Variants in TCOF1 observed in about 807,000 individuals in gnomAD.
TCOF1 encodes the protein treacle ribosome biogenesis factor 1.
Under a neutral mutation model 149.0 loss-of-function variants are expected in TCOF1, and 33 were observed. The observed-to-expected ratio is 0.22, with a 90% CI of 0.17 to 0.30. The LOEUF is 0.30. Among genes scored for constraint, TCOF1 ranks in the 10% least tolerant of loss-of-function variants. The pLI is 1.00. For missense variants in TCOF1, 1,728 were observed against 1,840.7 expected, an observed-to-expected ratio of 0.94 and a Z score of 1.12; for synonymous variants, 789 against 738.8, an observed-to-expected ratio of 1.07 and a Z score of -1.10.
Position 150,396,302 on chromosome 5 carries a change from G to A in TCOF1, c.3805G>A (p.Gly1269Ser), listed in dbSNP as rs572357959. The change falls in exon 24 of 27, where the codon GGC (glycine) becomes AGC (serine). Residue 1269 changes from glycine (G) to serine (S), a missense_variant. Transcript: ENST00000643257. ...PKTGGKEAAS[G>S]TTPQKSRKPK... ...CATAGGTGGAAAAGAGGCTGCTTCA[G>A]GCACCACACCTCAGAAGTCCCGGAA... 1 of 1,614,010 alleles carries A rather than the reference G, an allele frequency of 6.2e-7. No homozygotes were observed. The highest frequency in any genetic ancestry group is 1.3e-5 in the African/African-American group (1 of 75,038).
At chr5:150,382,932 T>C (rs1765523249) in intron 17 of TCOF1, 1 of 669,428 alleles carries the variant, frequency 1.5e-6, no homozygotes, top group Non-Finnish European at 2.5e-6. Flanking sequence ...TCCCTGTGCA[T>C]GTGCAGGAAG....
At chr5:150,370,051 A>C (rs752790464) in intron 6 of TCOF1, among the ~76,000 whole-genome samples, 1 of 152,198 alleles carries the variant, frequency 6.6e-6, no homozygotes, top group Non-Finnish European at 1.5e-5. Context: ...AGGCCTAGAC[A>C]CTTGGCTAGA....
chr5:150,396,333 A>G lies in TCOF1; in HGVS notation c.3836A>G (p.Lys1279Arg). 6.2e-7 allele frequency: 1 copy of G among 1,613,980 alleles called. No individual in the cohort carries two copies. Among genetic ancestry groups the G allele is most frequent in the South Asian group, 1.1e-5 (1 of 91,090 alleles). ...ACACCTCAGAAGTCCCGGAAGCCCA[A>G]GAAAGGGGCTGGGAACCCCCAAGCC... Reference protein sequence around the residue: ...GTTPQKSRKPKKGAGNPQAST... With the variant: ...GTTPQKSRKPRKGAGNPQAST... Residue 1279 changes from lysine (K) to arginine (R), a missense_variant, in exon 24 of 27, where the codon AAG (lysine) becomes AGG (arginine). Lys to Arg is a conservative substitution (Grantham distance 26). Around this residue, in one of 2 missense-constraint regions of TCOF1, gnomAD observed 1,696 missense variants for 1,765.4 expected, o/e 0.96. Transcript: ENST00000643257.
chr5:150,390,538 G>T (rs1446124171), intron 19 of TCOF1, among the ~76,000 whole-genome samples: 1 of 152,148 alleles, frequency 6.6e-6, no homozygotes, highest in Non-Finnish European at 1.5e-5. Context: ...ATTCAGCAAG[G>T]CCGGAACCCG....
chr5:150,381,626 A>G (rs1272006256), intron 17 of TCOF1, among the ~76,000 whole-genome samples: 1 of 152,264 alleles, frequency 6.6e-6, no homozygotes, highest in Admixed American at 6.5e-5. Flanking sequence ...CCTAAATGCC[A>G]GACTAAGACA....
At chr5:150,370,818 TA>T (rs1265051491) in intron 6 of TCOF1, among the ~76,000 whole-genome samples, 1 of 152,074 alleles carries the variant, frequency 6.6e-6, no homozygotes, top group Non-Finnish European at 1.5e-5. Context: ...TGTTATTTTT[TA>T]AAAAAACAAA....
rs554646790 is a variant in TCOF1, at chr5:150,374,552, G to A, written c.1084-65G>A. ...ATTTGCCCTATCTGGTCTTCTGTAC[G>A]TGGTGTCCTGTGTCTCCTCACACGT... On this transcript the variant is annotated intron_variant, in intron 8 of 26. Transcript: ENST00000643257. 1.1e-5 allele frequency: 17 copies of A among 1,607,252 alleles called. No individual in the cohort carries two copies. In the South Asian group the frequency reaches 1.5e-4, roughly 15 times the overall value.
Position 150,374,361 on chromosome 5 carries a change from C to G in TCOF1, c.1058C>G (p.Thr353Arg), listed in dbSNP as rs746154216. Reference sequence around the variant, plus strand: ...GAGTCATCTGACAGTGAGGAGGAGACGCCAGCTGCCAAGGCCCTGCTTCAG... The same window carrying G: ...GAGTCATCTGACAGTGAGGAGGAGAGGCCAGCTGCCAAGGCCCTGCTTCAG... ...SEESSDSEEE[T>R]PAAKALLQAK... The change falls in exon 8 of 27, where the codon ACG becomes AGG. Residue 353 changes from threonine to arginine, a missense_variant. Thr to Arg is a moderately conservative substitution (Grantham distance 71). Around this residue, in one of 2 missense-constraint regions of TCOF1, gnomAD observed 1,696 missense variants for 1,765.4 expected, o/e 0.96. Transcript: ENST00000643257. 4 of 1,557,162 alleles carry G rather than the reference C, an allele frequency of 2.6e-6. No homozygotes were observed. The highest frequency in any genetic ancestry group is 3.5e-6 in the Non-Finnish European group (4 of 1,150,254).
In TCOF1 at chr5:150,375,732, G is replaced by A; in HGVS notation, c.1716G>A (p.Leu572=). The change falls in exon 12 of 27, where the codon TTG becomes TTA. Residue 572 remains leucine (L), a synonymous_variant. Transcript: ENST00000643257. ...GTATCTCACTCCAGGAAAAGTCCTT[G>A]GGGAACATCCTCCAGGCCAAACCCA... ...TAVAPAQEKS[L]GNILQAKPTS... 1 of 1,614,240 alleles carries A rather than the reference G, an allele frequency of 6.2e-7. No homozygotes were observed. Among genetic ancestry groups the A allele is most frequent in the South Asian group, 1.1e-5 (1 of 91,088 alleles).
chr5:150,373,167 A>G (rs1762923876), intron 7 of TCOF1, among the ~76,000 whole-genome samples: 1 of 151,518 alleles, frequency 6.6e-6, no homozygotes, highest in Admixed American at 6.6e-5. Context: ...CTGCAGCCTC[A>G]CTCCTGAGTA....
In TCOF1 at chr5:150,396,629, G is replaced by T. The variant is rs919793933; in HGVS notation, c.4132G>T (p.Val1378Phe). The T allele has an allele frequency of 1.9e-5, 31 of 1,600,208 alleles. No homozygotes were observed. The highest frequency in any genetic ancestry group is 2.6e-5 in the Non-Finnish European group (30 of 1,172,932). Residue 1378 changes from valine to phenylalanine, a missense_variant, in exon 24 of 27, where the codon GTT becomes TTT. This residue lies in a region of TCOF1 where 1,696 missense variants were observed against 1,765.4 expected (regional missense o/e 0.96). Transcript: ENST00000643257. ...LGAGEGGEAS[V>F]SPEKTSTTSK... ...GGCCGGGGAAGGTGGGGAGGCCTCTGTTTCCCCAGAAAAGACCTCCACGAC... is the reference window on the plus strand; with the variant it reads ...GGCCGGGGAAGGTGGGGAGGCCTCTTTTTCCCCAGAAAAGACCTCCACGAC...
intron 17 of TCOF1, 63 bp downstream of exon 17, chr5:150,379,795 G>T: frequency 1.9e-6 from 3 of 1,571,470 alleles, no homozygotes; most frequent in Non-Finnish European, 2.6e-6. Context: ...TATAGGGCTG[G>T]GCGTGGTGGC....
intron 7 of TCOF1, among the ~76,000 whole-genome samples, chr5:150,372,461 C>G (rs575829376): frequency 2.0e-5 from 3 of 152,250 alleles, no homozygotes; most frequent in African/African-American, 7.2e-5. Flanking sequence ...CCGCTGTCCT[C>G]GTCCCAGCCA....
intron 18 of TCOF1, 40 bp downstream of exon 18, chr5:150,388,128 G>A (rs1450946563): frequency 6.2e-7 from 1 of 1,610,604 alleles, no homozygotes; most frequent in Non-Finnish European, 8.5e-7. Context: ...GGGGCTGCCA[G>A]CACTGCCCCA....
chr5:150,378,339 A>C (rs1764279851), intron 14 of TCOF1, among the ~76,000 whole-genome samples: 1 of 152,102 alleles, frequency 6.6e-6, no homozygotes, highest in Non-Finnish European at 1.5e-5. Context: ...GGAATCCCTG[A>C]CAGGCCTTTT....
intron 1 of TCOF1, 133 bp from the exon 2 acceptor site, chr5:150,361,023 A>C (rs1282322330): frequency 1.8e-5 from 20 of 1,131,656 alleles, no homozygotes; most frequent in Non-Finnish European, 2.6e-5. Flanking sequence ...GGTATGAGCC[A>C]CCATGCCCAG....
At chr5:150,395,510 G>A (rs1768286420) in intron 23 of TCOF1, among the ~76,000 whole-genome samples, 1 of 151,732 alleles carries the variant, frequency 6.6e-6, no homozygotes, top group South Asian at 2.1e-4. Context: ...GTGCGACAAG[G>A]AGACATTTTA....
intron 12 of TCOF1, 47 bp downstream of exon 12, chr5:150,375,956 C>T: frequency 6.2e-7 from 1 of 1,613,924 alleles, no homozygotes; most frequent in Non-Finnish European, 8.5e-7. Context: ...TCTGCCACAC[C>T]ACAGTCAGCA....
intron 22 of TCOF1, 73 bp downstream of exon 22, chr5:150,392,863 G>A (rs936077783): frequency 1.0e-5 from 16 of 1,541,178 alleles, no homozygotes; most frequent in African/African-American, 5.5e-5. Context: ...CTGTCTACCC[G>A]ATCCCTCAGG....
Sources: allele counts gnomAD v4.1 joint callset (sites outside exome capture counted in the v4.1 genomes callset), GRCh38; gene constraint gnomAD v4.1.1; regional missense constraint gnomAD v4.1.1; transcripts MANE v1.5; gene names NCBI Gene and HGNC (gene_info 2026-07-23, HGNC 2026-07-21).